The following PLEKHO2 variants were observed in gnomAD, a reference collection of about 807,000 sequenced individuals.
PLEKHO2 encodes the protein pleckstrin homology domain-containing family O member 2.
A neutral mutation model predicts 32.7 loss-of-function variants in PLEKHO2; 20 were observed. The ratio of observed to expected loss-of-function variants is 0.61; its 90% CI spans 0.43 to 0.89. The LOEUF (loss-of-function observed/expected upper bound fraction) is 0.89. PLEKHO2 is among the 40% of genes least tolerant of loss of function. The pLI is 0.00. For synonymous variants in PLEKHO2, 247 were observed against 246.3 expected (o/e 1.00, Z -0.03); for missense variants, 568 against 621.2 (o/e 0.91, Z 0.91).
At position 64,864,893 on chromosome 15, in the gene PLEKHO2, C is replaced by CA. The variant is rs1555437787; in HGVS notation, c.484-5dup. ...GATGACACCCATATACCATCCCCCC[C>CA]ACCAGGTGGCCAGTGCAGCTTCTGA... On this transcript the variant is annotated splice_region_variant and splice_polypyrimidine_tract_variant and intron_variant, in intron 5 of 5. Transcript: ENST00000323544. The CA allele has an allele frequency of 2.0e-4, 321 of 1,582,156 alleles. 1 individual carries two copies. In the African/African-American group the frequency reaches 4.0e-3, roughly 20 times the overall value.
At position 64,865,339 on chromosome 15, in the gene PLEKHO2, G is replaced by A. The variant is rs780477940; in HGVS notation, c.924G>A (p.Lys308=). Residue 308 remains lysine, a synonymous_variant, in exon 6 of 6, where the codon AAG becomes AAA. Coordinates refer to ENST00000323544, the MANE Select transcript of PLEKHO2 (RefSeq NM_025201.5). The part of the protein sequence containing the change: ...TSEAAPREGG[K]PPTPPPKILS... ...AGGCTGCCCCCAGGGAGGGTGGGAA[G>A]CCCCCTACACCCCCACCCAAGATCT... 2.5e-6 allele frequency: 4 copies of A among 1,613,878 alleles called. No individual in the cohort carries two copies. The highest frequency in any genetic ancestry group is 1.7e-6 in the Non-Finnish European group (2 of 1,179,854).
At position 64,867,342 on chromosome 15, in the gene PLEKHO2, A is replaced by G. The variant is rs567749292; in HGVS notation, c.*1454A>G. ...TGTACTGTCACTTTGTTCTTGAGGTAGTAGTCAAGGATCAGGAGGGGCAGA... is the reference window on the plus strand; with the variant it reads ...TGTACTGTCACTTTGTTCTTGAGGTGGTAGTCAAGGATCAGGAGGGGCAGA... On this transcript the variant is annotated 3_prime_UTR_variant, in exon 6 of 6. Coordinates refer to ENST00000323544, the MANE Select transcript of PLEKHO2 (RefSeq NM_025201.5). 1.3e-5 allele frequency: 2 copies of G among 152,910 alleles called. No homozygotes were observed. Among genetic ancestry groups the G allele is most frequent in the African/African-American group, 4.8e-5 (2 of 41,578 alleles). The allele number at this position is 152,910 out of a possible 1,614,324, so 9.5% of individuals were successfully genotyped here. A position where few individuals can be genotyped will look rare whatever the true frequency, so the allele number is the denominator to read the frequency against.
At position 64,865,903 on chromosome 15, in the gene PLEKHO2, G is replaced by C; in HGVS notation, c.*15G>C. ...GTGCACCCTAGGGCCTTCTGGGCCA[G>C]AGGCACCATCCCTTCTGGCCATCCA... On this transcript the variant is annotated 3_prime_UTR_variant, in exon 6 of 6. Coordinates refer to ENST00000323544, the MANE Select transcript of PLEKHO2 (RefSeq NM_025201.5). 6.3e-7 allele frequency: 1 copy of C among 1,589,384 alleles called. No individual in the cohort carries two copies. Among genetic ancestry groups the C allele is most frequent in the Non-Finnish European group, 8.5e-7 (1 of 1,171,514 alleles).
chr15:64,866,308 A>G lies in PLEKHO2; in HGVS notation c.*420A>G, dbSNP rs545313493. 7 of 460,484 alleles carry G rather than the reference A, an allele frequency of 1.5e-5. No homozygotes were observed. In the East Asian group the frequency reaches 4.8e-4, roughly 32 times the overall value. The allele number at this position is 460,484 out of a possible 1,614,324, so 28.5% of individuals were successfully genotyped here. ...CACAGCTGAGCCCCCTGCAGCTCCCATCTCCAGCTATTCCTAGGCAAAGAG... is the reference window on the plus strand; with the variant it reads ...CACAGCTGAGCCCCCTGCAGCTCCCGTCTCCAGCTATTCCTAGGCAAAGAG... On this transcript the variant is annotated 3_prime_UTR_variant, in exon 6 of 6. Transcript: ENST00000323544.
intron 3 of PLEKHO2, among the ~76,000 whole-genome samples, chr15:64,858,877 C>T (rs1033019764): frequency 2.0e-5 from 3 of 152,200 alleles, no homozygotes; most frequent in African/African-American, 7.2e-5. Context: ...TCACATAACT[C>T]TCCATCGTGT....
intron 3 of PLEKHO2, 65 bp from the exon 4 acceptor site, chr15:64,859,829 C>T: frequency 1.4e-6 from 2 of 1,410,820 alleles, no homozygotes; most frequent in Non-Finnish European, 2.0e-6. Context: ...AAGGAAGCCT[C>T]CTTAAGATGC....
intron 2 of PLEKHO2, among the ~76,000 whole-genome samples, chr15:64,851,503 A>C (rs1436240445): frequency 6.6e-6 from 1 of 152,222 alleles, no homozygotes; most frequent in Admixed American, 6.5e-5. Flanking sequence ...TCAGGAACTT[A>C]ACACTTAGGG....
chr15:64,866,284 A>G lies in PLEKHO2; in HGVS notation c.*396A>G, dbSNP rs533304826. 6.5e-6 allele frequency: 3 copies of G among 463,662 alleles called. 1 individual carries two copies. Among genetic ancestry groups the G allele is most frequent in the South Asian group, 4.7e-5 (3 of 64,296 alleles). The allele number at this position is 463,662 out of a possible 1,614,324, so 28.7% of individuals were successfully genotyped here. A position where few individuals can be genotyped will look rare whatever the true frequency, so the allele number is the denominator to read the frequency against. Reference sequence around the variant, plus strand: ...TACATTCCTGACTTCTGAATACAGCACAGCTGAGCCCCCTGCAGCTCCCAT... The same window carrying G: ...TACATTCCTGACTTCTGAATACAGCGCAGCTGAGCCCCCTGCAGCTCCCAT... On this transcript the variant is annotated 3_prime_UTR_variant, in exon 6 of 6. Coordinates refer to ENST00000323544, the MANE Select transcript of PLEKHO2 (RefSeq NM_025201.5).
At chr15:64,861,378 G>A (rs981501739) in intron 4 of PLEKHO2, 99 bp from the exon 5 acceptor site, 4 of 796,984 alleles carry the variant, frequency 5.0e-6, no homozygotes, top group South Asian at 3.7e-5. Flanking sequence ...AGAGGGCAGC[G>A]GTGGGGCACT....
At position 64,863,685 on chromosome 15, in the gene PLEKHO2, G is replaced by A. The variant is rs1306301241; in HGVS notation, c.484-1214G>A. Among the ~76,000 whole-genome samples the A allele has an allele frequency of 3.3e-5, 5 of 152,010 alleles. No homozygotes were observed. The South Asian group carries it at 8.3e-4, about 25-fold the overall frequency. ...ACATGCCTGTGGTCCCAGCTACTCT[G>A]GAGGCTGCAGTGAGCTGTGACCATG... On this transcript the variant is annotated intron_variant, in intron 5 of 5. Coordinates refer to ENST00000323544, the MANE Select transcript of PLEKHO2 (RefSeq NM_025201.5).
intron 4 of PLEKHO2, among the ~76,000 whole-genome samples, 200 bp downstream of exon 4, chr15:64,860,198 A>G (rs2084632673): frequency 6.6e-6 from 1 of 152,206 alleles, no homozygotes; most frequent in South Asian, 2.1e-4. Context: ...GATGAAATGG[A>G]GGCCTAAGGA....
chr15:64,843,540 T>A (rs2084500448), intron 1 of PLEKHO2, among the ~76,000 whole-genome samples: 1 of 152,022 alleles, frequency 6.6e-6, no homozygotes, highest in Non-Finnish European at 1.5e-5. Context: ...CTCAGCTCTG[T>A]ACACCCTTGG....
In PLEKHO2 at chr15:64,850,017, G is replaced by A. The variant is rs148483157; in HGVS notation, c.162+1275G>A. 9.0e-4 allele frequency among the ~76,000 whole-genome samples: 136 copies of A among 151,716 alleles called. 1 individual carries two copies. Among genetic ancestry groups the A allele is most frequent in the African/African-American group, 3.1e-3 (130 of 41,356 alleles). The stretch of plus-strand genomic sequence containing the variant: ...CTCTACTAAAAATACAAAATTAGCC[G>A]GGTGTAGTGGTGCATGTCCGTAATG... On this transcript the variant is annotated intron_variant, in intron 2 of 5. Transcript: ENST00000323544.
chr15:64,853,554 A>G (rs1450269591), intron 2 of PLEKHO2, among the ~76,000 whole-genome samples: 1 of 151,982 alleles, frequency 6.6e-6, no homozygotes, highest in Non-Finnish European at 1.5e-5. Context: ...TCGGCCTCCC[A>G]AAGTGCTGGG....
rs2084541226 is a variant in PLEKHO2, at chr15:64,848,616, G to A, written c.36G>A (p.Lys12=). ...AGGGTGTGAAGGAAGCCGGTGAGAA[G>A]CCTCGGGGAGCACAGATGGTGGACA... ...EEEGVKEAGE[K]PRGAQMVDKA... The change falls in exon 2 of 6, where the codon AAG becomes AAA. Residue 12 remains lysine, a synonymous_variant. Coordinates refer to ENST00000323544, the MANE Select transcript of PLEKHO2 (RefSeq NM_025201.5). 6.2e-7 allele frequency: 1 copy of A among 1,614,062 alleles called. No homozygotes were observed. The highest frequency in any genetic ancestry group is 1.1e-5 in the South Asian group (1 of 91,090).
chr15:64,854,283 C>T (rs35646705), intron 2 of PLEKHO2, among the ~76,000 whole-genome samples: 28,000 of 152,084 alleles, frequency 0.18, 3,584 homozygotes, highest in East Asian at 0.76. Flanking sequence ...ATGAGGCCTC[C>T]GAGTGGTGGG....
intron 2 of PLEKHO2, among the ~76,000 whole-genome samples, chr15:64,852,614 TA>T (rs2084576756): frequency 6.6e-6 from 1 of 151,964 alleles, no homozygotes; most frequent in South Asian, 2.1e-4. Flanking sequence ...ACCTCTGGTG[TA>T]GAGCAGTGGT....
chr15:64,846,480 T>C (rs917863871), intron 1 of PLEKHO2, among the ~76,000 whole-genome samples: 3 of 152,066 alleles, frequency 2.0e-5, no homozygotes, highest in African/African-American at 7.2e-5. Context: ...CGCCCGGCTA[T>C]TTTTTGTATT....
chr15:64,864,898 G>T lies in PLEKHO2; in HGVS notation c.484-1G>T. 3 of 1,589,102 alleles carry T rather than the reference G, an allele frequency of 1.9e-6. No individual in the cohort carries two copies. The highest frequency in any genetic ancestry group is 1.3e-5 in the African/African-American group (1 of 74,414). ...CACCCATATACCATCCCCCCCACCA[G>T]GTGGCCAGTGCAGCTTCTGACGGTC... On this transcript the variant is annotated splice_acceptor_variant, in intron 5 of 5. Transcript: ENST00000323544. LOFTEE classifies it high-confidence loss of function.
Sources: allele counts gnomAD v4.1 joint callset (sites outside exome capture counted in the v4.1 genomes callset), GRCh38; gene constraint gnomAD v4.1.1; transcripts MANE v1.5; gene names NCBI Gene and HGNC (gene_info 2026-07-23, HGNC 2026-07-21).